The following TAMM41 variants were observed in gnomAD, a reference collection of about 807,000 sequenced individuals.
TAMM41 encodes the protein phosphatidate cytidylyltransferase, mitochondrial.
Under a neutral mutation model 44.1 loss-of-function variants are expected in TAMM41, and 36 were observed. That is an observed-to-expected ratio of 0.82 (90% CI 0.63 to 1.08). The LOEUF (loss-of-function observed/expected upper bound fraction) is 1.08. Among genes scored for constraint, TAMM41 ranks in the 50% least tolerant of loss-of-function variants. TAMM41 has a pLI of 0.00. For missense variants in TAMM41, 417 were observed against 404.3 expected (o/e 1.03, Z -0.27); for synonymous variants, 164 against 153.1 (o/e 1.07, Z -0.53).
At chr3:11,806,635 G>A (rs1008797012) in intron 7 of TAMM41, among the ~76,000 whole-genome samples, 1 of 151,972 alleles carries the variant, frequency 6.6e-6, no homozygotes, top group Admixed American at 6.6e-5. Context: ...TGAATAAAAG[G>A]AGTTCCAGAA....
the TAMM41 span, among the ~76,000 whole-genome samples, chr3:11,742,762 A>AT: frequency 1.3e-3 from 190 of 143,676 alleles, 9 homozygotes; most frequent in Middle Eastern, 3.6e-3. Flanking sequence ...AATTAAAACA[A>AT]TTTTTTTTTT....
At chr3:11,816,678 A>C (rs184909359) in intron 5 of TAMM41, among the ~76,000 whole-genome samples, 46 of 151,702 alleles carry the variant, frequency 3.0e-4, no homozygotes, top group Admixed American at 2.2e-3. Context: ...AGGTGGGAGG[A>C]TGGCTTGATC....
At chr3:11,728,028 C>T in the TAMM41 span, among the ~76,000 whole-genome samples, 74 of 152,236 alleles carry the variant, frequency 4.9e-4, no homozygotes, top group Admixed American at 1.7e-3. Flanking sequence ...CTCAGGTGAT[C>T]CGCCCACCTT....
chr3:11,821,063 A>G (rs2078500175), intron 4 of TAMM41, among the ~76,000 whole-genome samples: 1 of 152,192 alleles, frequency 6.6e-6, no homozygotes, highest in Admixed American at 6.5e-5. Flanking sequence ...AAATGGCTTA[A>G]TCACACTAAC....
chr3:11,726,461 A>G, the TAMM41 span, among the ~76,000 whole-genome samples: 2 of 152,232 alleles, frequency 1.3e-5, no homozygotes, highest in Non-Finnish European at 2.9e-5. Flanking sequence ...CTTAGTGACA[A>G]AGTGTCGAGA....
chr3:11,725,421 T>C, the TAMM41 span, among the ~76,000 whole-genome samples: 45 of 86,240 alleles, frequency 5.2e-4, no homozygotes, highest in Admixed American at 2.6e-3. Context: ...CTTCTTCTTC[T>C]TCTTTCCTCC....
chr3:11,734,922 G>A, the TAMM41 span, among the ~76,000 whole-genome samples: 4 of 150,060 alleles, frequency 2.7e-5, no homozygotes, highest in South Asian at 6.3e-4. Flanking sequence ...GGTGGCGGGC[G>A]CCTGTCGTCC....
intron 7 of TAMM41, 26 bp downstream of exon 7, chr3:11,807,807 T>C: frequency 6.5e-7 from 1 of 1,536,124 alleles, no homozygotes; most frequent in Non-Finnish European, 8.7e-7. Context: ...GCAGGTATGT[T>C]ACACACGGAT....
At chr3:11,817,869 A>G (rs938876146) in intron 4 of TAMM41, among the ~76,000 whole-genome samples, 1 of 152,266 alleles carries the variant, frequency 6.6e-6, no homozygotes, top group Admixed American at 6.5e-5. Flanking sequence ...TTAAGATGAA[A>G]TTGAAAACAG....
chr3:11,804,304 C>T (rs2077837713), intron 7 of TAMM41, among the ~76,000 whole-genome samples: 1 of 152,136 alleles, frequency 6.6e-6, no homozygotes, highest in Admixed American at 6.5e-5. Flanking sequence ...AAATAACAGA[C>T]AGAAGAGTAT....
chr3:11,833,089 A>G (rs2079046416), intron 3 of TAMM41: 1 of 1,276,244 alleles, frequency 7.8e-7, no homozygotes, highest in Admixed American at 2.4e-5. Flanking sequence ...TTGTCTCAGC[A>G]GCACTGTTAT....
At chr3:11,791,509 T>G (rs971715573) in intron 7 of TAMM41, among the ~76,000 whole-genome samples, 2 of 152,208 alleles carry the variant, frequency 1.3e-5, no homozygotes, top group African/African-American at 4.8e-5. Context: ...TGTTTCAGGG[T>G]GTGGCCCAAA....
At chr3:11,739,573 G>T in the TAMM41 span, among the ~76,000 whole-genome samples, 1 of 150,668 alleles carries the variant, frequency 6.6e-6, no homozygotes, top group African/African-American at 2.4e-5. Flanking sequence ...TCGGGTGGCC[G>T]AGGAGGGAGA....
chr3:11,786,843 C>T (rs538286755), downstream of TAMM41, among the ~76,000 whole-genome samples: 1 of 152,274 alleles, frequency 6.6e-6, no homozygotes, highest in East Asian at 1.9e-4. Flanking sequence ...ATTTTCCCAC[C>T]TCAGCCTCCC....
the TAMM41 span, among the ~76,000 whole-genome samples, chr3:11,758,990 C>T: frequency 6.6e-6 from 1 of 152,130 alleles, no homozygotes; most frequent in African/African-American, 2.4e-5. Context: ...ATAATTTACC[C>T]TCATATTCTT....
At chr3:11,768,553 A>G in the TAMM41 span, among the ~76,000 whole-genome samples, 2 of 152,194 alleles carry the variant, frequency 1.3e-5, no homozygotes, top group South Asian at 4.1e-4. Flanking sequence ...TTACATACTC[A>G]CTCATTCATT....
At chr3:11,739,737 A>T in the TAMM41 span, among the ~76,000 whole-genome samples, 1 of 151,290 alleles carries the variant, frequency 6.6e-6, no homozygotes, top group Non-Finnish European at 1.5e-5. Flanking sequence ...GAGTGAGGAT[A>T]CTGGATATTC....
the TAMM41 span, among the ~76,000 whole-genome samples, chr3:11,749,848 A>C: frequency 6.6e-6 from 1 of 151,198 alleles, no homozygotes; most frequent in African/African-American, 2.4e-5. Context: ...CTCTGCATGC[A>C]TGTGTACTCA....
At chr3:11,737,896 G>A in the TAMM41 span, among the ~76,000 whole-genome samples, 16,405 of 152,168 alleles carry the variant, frequency 0.11, 2,906 homozygotes, top group African/African-American at 0.37. Flanking sequence ...GCCATGGGCC[G>A]TTTGACAACG....
Sources: allele counts gnomAD v4.1 joint callset (sites outside exome capture counted in the v4.1 genomes callset), GRCh38; gene constraint gnomAD v4.1.1; transcripts MANE v1.5; gene names NCBI Gene and HGNC (gene_info 2026-07-23, HGNC 2026-07-21).